Variants in AMPD3 observed in about 807,000 individuals in gnomAD.
AMPD3 encodes the protein AMP deaminase 3.
A neutral mutation model predicts 82.3 loss-of-function variants in AMPD3; 57 were observed. The ratio of observed to expected loss-of-function variants is 0.69; its 90% CI spans 0.56 to 0.86. The LOEUF (loss-of-function observed/expected upper bound fraction) is 0.86. Among genes scored for constraint, AMPD3 ranks in the 40% least tolerant of loss-of-function variants. The pLI, the probability that AMPD3 is intolerant of heterozygous loss-of-function variation, is 0.00. For missense variants in AMPD3, 870 were observed against 1,003.8 expected, an observed-to-expected ratio of 0.87 and a Z score of 1.80; for synonymous variants, 381 against 394.7, an observed-to-expected ratio of 0.97 and a Z score of 0.41.
At chr11:10,473,425 G>A (rs1403758859) in intron 2 of AMPD3, 2 of 985,268 alleles carry the variant, frequency 2.0e-6, no homozygotes, top group Non-Finnish European at 2.4e-6. Context: ...GTGAGTGGCA[G>A]GAGATGAGTG....
intron 2 of AMPD3, among the ~76,000 whole-genome samples, chr11:10,469,988 C>T (rs1311843277): frequency 3.3e-5 from 5 of 149,458 alleles, no homozygotes; most frequent in South Asian, 2.1e-4. Context: ...TGCAGTGAGC[C>T]GAGATCCCGC....
intron 3 of AMPD3, among the ~76,000 whole-genome samples, chr11:10,478,980 G>A (rs1228477831): frequency 6.6e-6 from 1 of 152,060 alleles, no homozygotes; most frequent in African/African-American, 2.4e-5. Flanking sequence ...TCTGTGACTC[G>A]TAAGTTCCAC....
chr11:10,478,588 A>G lies in AMPD3; in HGVS notation c.284A>G (p.Asp95Gly). Residue 95 changes from aspartate to glycine, a missense_variant, in exon 3 of 15, where the codon GAT becomes GGT. Asp to Gly is a moderately conservative substitution (Grantham distance 94, BLOSUM62 -1). Transcript: ENST00000396553. ...SLSLQMPPQQDWKGPPAASPA... is the reference protein window; with the variant it reads ...SLSLQMPPQQGWKGPPAASPA... The stretch of plus-strand genomic sequence containing the variant: ...TCTCTGCAAATGCCGCCACAGCAAG[A>G]TTGGAAGGGCCCCCCGGCAGCCAGT... 6.2e-7 allele frequency: 1 copy of G among 1,614,162 alleles called. No homozygotes were observed. Among genetic ancestry groups the G allele is most frequent in the Non-Finnish European group, 8.5e-7 (1 of 1,180,028 alleles).
Position 10,456,451 on chromosome 11 carries a change from G to A in AMPD3, c.-6+1003G>A, listed in dbSNP as rs1294900321. 14 of 1,613,644 alleles carry A rather than the reference G, an allele frequency of 8.7e-6. No individual in the cohort carries two copies. The South Asian group carries it at 1.5e-4, about 18-fold the overall frequency. On this transcript the variant is annotated intron_variant, in intron 1 of 14. Coordinates refer to ENST00000396553, the MANE Select transcript of AMPD3 (RefSeq NM_001025389.2). The surrounding 1 kb of genome is among the most constrained non-coding windows in gnomAD (Gnocchi z 4.3). ...GGGAGTCTGGCAAGAGTAGGAACCA[G>A]CTTCCTTCGTATAACGAGGGGATTT...
At chr11:10,481,474 G>C (rs866177892) in intron 3 of AMPD3, 2 of 985,400 alleles carry the variant, frequency 2.0e-6, no homozygotes, top group African/African-American at 1.7e-5. Flanking sequence ...TGGAGCACTT[G>C]TCTGTCTTCC....
intron 2 of AMPD3, among the ~76,000 whole-genome samples, chr11:10,470,241 A>G (rs938511127): frequency 6.6e-6 from 1 of 152,204 alleles, no homozygotes; most frequent in African/African-American, 2.4e-5. Flanking sequence ...AGATGCAGAA[A>G]AGTCCTTCAA....
chr11:10,463,482 G>A (rs184565363), intron 2 of AMPD3, among the ~76,000 whole-genome samples: 2 of 152,246 alleles, frequency 1.3e-5, no homozygotes, highest in African/African-American at 4.8e-5. Context: ...TTCACACTCC[G>A]TGGGTGGAAC....
Position 10,477,021 on chromosome 11 carries a change from G to A in AMPD3, c.222-1505G>A, listed in dbSNP as rs543958091. The A allele has an allele frequency of 3.1e-5, 31 of 985,470 alleles. No individual in the cohort carries two copies. The African/African-American group carries it at 5.1e-4, about 16-fold the overall frequency. 61.0% of individuals were successfully genotyped at this position (985,470 alleles called of 1,614,324 possible). On this transcript the variant is annotated intron_variant, in intron 2 of 14. Transcript: ENST00000396553. Reference sequence around the variant, plus strand: ...TTGTCCCAAAGATGTGATAACACAGGGTAGGCAGGTGAGAACCAGAGGGCC... The same window carrying A: ...TTGTCCCAAAGATGTGATAACACAGAGTAGGCAGGTGAGAACCAGAGGGCC...
chr11:10,477,909 C>G, intron 2 of AMPD3: 1 of 985,428 alleles, frequency 1.0e-6, no homozygotes, highest in Non-Finnish European at 1.2e-6. Flanking sequence ...CCTATGATGC[C>G]TGTAAGCTTG....
chr11:10,502,900 G>C lies in AMPD3; in HGVS notation c.2016+6G>C. 3 of 1,614,058 alleles carry C rather than the reference G, an allele frequency of 1.9e-6. No homozygotes were observed. Among genetic ancestry groups the C allele is most frequent in the Non-Finnish European group, 2.5e-6 (3 of 1,179,972 alleles). On this transcript the variant is annotated splice_donor_region_variant and intron_variant, in intron 13 of 14. Coordinates refer to ENST00000396553, the MANE Select transcript of AMPD3 (RefSeq NM_001025389.2). ...TGCAGTTCCACTACACGAAGGTAAGGACTTTGGGGTGAGGACAGTAGTGCT... is the reference window on the plus strand; with the variant it reads ...TGCAGTTCCACTACACGAAGGTAAGCACTTTGGGGTGAGGACAGTAGTGCT...
intron 2 of AMPD3, among the ~76,000 whole-genome samples, chr11:10,466,216 C>T (rs932019898): frequency 2.3e-4 from 35 of 151,624 alleles, no homozygotes; most frequent in African/African-American, 4.8e-5. Flanking sequence ...GATCTGAGAT[C>T]GCACCATTGC....
rs1849720874 is a variant in AMPD3, at chr11:10,506,648, G to C, written c.*764G>C. ...CTGCGTTCATCAGTTTTACACTGGG[G>C]CTGCTACATAATATTTTCATTTGAA... is the stretch of plus-strand genomic sequence containing the variant. On this transcript the variant is annotated 3_prime_UTR_variant, in exon 15 of 15. Transcript: ENST00000396553. This position sits in a 1 kb window ranked among gnomAD's most constrained non-coding sequence, Gnocchi z 4.1. The C allele has an allele frequency of 6.5e-6, 1 of 152,696 alleles. No homozygotes were observed. Among genetic ancestry groups the C allele is most frequent in the African/African-American group, 2.4e-5 (1 of 41,428 alleles). 9.5% of individuals were successfully genotyped at this position (152,696 alleles called of 1,614,324 possible).
chr11:10,464,053 G>A (rs898952699), intron 2 of AMPD3, among the ~76,000 whole-genome samples: 22 of 152,182 alleles, frequency 1.4e-4, no homozygotes, highest in East Asian at 5.8e-4. Flanking sequence ...CCTCAGCCTC[G>A]TCCTCATCTA....
chr11:10,506,704 G>C lies in AMPD3; in HGVS notation c.*820G>C, dbSNP rs1372447613. 2 of 152,398 alleles carry C rather than the reference G, an allele frequency of 1.3e-5. No individual in the cohort carries two copies. The highest frequency in any genetic ancestry group is 4.8e-5 in the African/African-American group (2 of 41,432). 9.4% of individuals were successfully genotyped at this position (152,398 alleles called of 1,614,324 possible). ...AACTTCAAAAAGCACAGGACTAGAT[G>C]ATCTCTGTTCCTTTTGGCTCTAATA... On this transcript the variant is annotated 3_prime_UTR_variant, in exon 15 of 15. Coordinates refer to ENST00000396553, the MANE Select transcript of AMPD3 (RefSeq NM_001025389.2). The surrounding 1 kb of genome is among the most constrained non-coding windows in gnomAD (Gnocchi z 4.1).
rs754663855 is a variant in AMPD3, at chr11:10,493,457, G to A, written c.1048G>A (p.Gly350Ser). 6.2e-7 allele frequency: 1 copy of A among 1,614,176 alleles called. No homozygotes were observed. Among genetic ancestry groups the A allele is most frequent in the Admixed American group, 1.7e-5 (1 of 60,026 alleles). Residue 350 changes from glycine (G) to serine (S), a missense_variant, in exon 7 of 15, where the codon GGC becomes AGC. Coordinates refer to ENST00000396553, the MANE Select transcript of AMPD3 (RefSeq NM_001025389.2). ...TGACAGGACTGTGGCAGAGAAGCGG[G>A]GCCGGAAGATCACCCTGCGGCAGGT... ...EPDRTVAEKR[G>S]RKITLRQVFD... is the part of the protein sequence containing the mutation.
At chr11:10,483,423 G>C (rs1324598492) in intron 4 of AMPD3, among the ~76,000 whole-genome samples, 1 of 152,172 alleles carries the variant, frequency 6.6e-6, no homozygotes, top group African/African-American at 2.4e-5. Flanking sequence ...CCTGTACTTT[G>C]AGCATCTGGG....
At chr11:10,460,065 T>TAATATATAA (rs1564838195) in intron 1 of AMPD3, among the ~76,000 whole-genome samples, 2 of 143,636 alleles carry the variant, frequency 1.4e-5, no homozygotes, top group Non-Finnish European at 3.0e-5. Context: ...ATAATATATA[T>TAATATATAA]TATATATAAT....
rs771555030 is a variant in AMPD3, at chr11:10,484,877, C to A, written c.647C>A (p.Pro216His). Residue 216 changes from proline (P) to histidine (H), a missense_variant, in exon 5 of 15, where the codon CCC becomes CAC. Coordinates refer to ENST00000396553, the MANE Select transcript of AMPD3 (RefSeq NM_001025389.2). ...EDPYCLDDAP[P>H]NLDYLVHMQG... is the part of the protein sequence containing the mutation. ...CCCTACTGCCTGGATGATGCACCCC[C>A]CAACCTGGATTACTTGGTCCACATG... is the stretch of plus-strand genomic sequence containing the variant. The A allele has an allele frequency of 1.2e-6, 2 of 1,614,128 alleles. No homozygotes were observed. The highest frequency in any genetic ancestry group is 1.7e-6 in the Non-Finnish European group (2 of 1,180,028).
chr11:10,461,438 T>A, intron 1 of AMPD3, 77 bp from the exon 2 acceptor site: 1 of 1,609,630 alleles, frequency 6.2e-7, no homozygotes, highest in Non-Finnish European at 8.5e-7. Flanking sequence ...GGCCTGGCCC[T>A]CACTTCAGTG....
Sources: allele counts gnomAD v4.1 joint callset (sites outside exome capture counted in the v4.1 genomes callset), GRCh38; gene constraint gnomAD v4.1.1; non-coding constraint Gnocchi (gnomAD v3.1); transcripts MANE v1.5; gene names NCBI Gene and HGNC (gene_info 2026-07-23, HGNC 2026-07-21).